SLC22A17: variants seen among roughly 807,000 people sequenced by gnomAD.
The protein encoded by SLC22A17 is 24p3 receptor.
SLC22A17 carries 38 observed loss-of-function variants against 53.6 expected under a neutral mutation model. That is an observed-to-expected ratio of 0.71 (90% CI 0.55 to 0.93). SLC22A17 has a LOEUF of 0.93. SLC22A17 is among the 40% of genes least tolerant of loss of function. The probability of loss-of-function intolerance (pLI) is 0.00; values close to 1 mark genes in which losing one functional copy is unlikely to be tolerated. For missense variants in SLC22A17, 704 were observed against 791.0 expected (o/e 0.89, Z 1.32); for synonymous variants, 379 against 353.0 (o/e 1.07, Z -0.82).
Position 23,348,219 on chromosome 14 carries a change from A to T in SLC22A17, c.1113T>A (p.Ala371=), listed in dbSNP as rs768000962. ...TCTGCCCATGGGGCCGGTTTCGCTC[A>T]GCCAGGATCCTCAGCACAGACTGAG... is the stretch of plus-strand genomic sequence containing the variant. The change falls in exon 6 of 10, where the codon GCT becomes GCA. Residue 371 remains alanine, a synonymous_variant. Coordinates refer to ENST00000397267, the Ensembl canonical transcript of SLC22A17. The surrounding 1 kb of genome is among the most constrained non-coding windows in gnomAD (Gnocchi z 4.5). The T allele has an allele frequency of 1.7e-5, 28 of 1,614,004 alleles. No individual in the cohort carries two copies. The highest frequency in any genetic ancestry group is 6.7e-5 in the Admixed American group (4 of 60,000).
Position 23,347,736 on chromosome 14 carries a change from G to T in SLC22A17, c.1278-5C>A, listed in dbSNP as rs770911298. 1 of 1,613,132 alleles carries T rather than the reference G, an allele frequency of 6.2e-7. No homozygotes were observed. The highest frequency in any genetic ancestry group is 1.1e-5 in the South Asian group (1 of 91,056). ...CGAATGGCATGGGCAATGAAGCTGT[G>T]AGAAGGGGTGGGGAAGCAACGAACA... On this transcript the variant is annotated splice_region_variant and splice_polypyrimidine_tract_variant and intron_variant, in intron 7 of 9. Coordinates refer to ENST00000397267, the Ensembl canonical transcript of SLC22A17. This position sits in a 1 kb window ranked among gnomAD's most constrained non-coding sequence, Gnocchi z 5.1.
chr14:23,348,760 C>T lies in SLC22A17; in HGVS notation c.860-89G>A. The T allele has an allele frequency of 7.3e-7, 1 of 1,377,438 alleles. No homozygotes were observed. Among genetic ancestry groups the T allele is most frequent in the Non-Finnish European group, 9.7e-7 (1 of 1,028,368 alleles). 85.3% of individuals were successfully genotyped at this position (1,377,438 alleles called of 1,614,324 possible). ...AAGAAGAAAGAGGGAGGGAGGAGGACAGAGAGAGAGGTCAGACCCAGAGTG... is the reference window on the plus strand; with the variant it reads ...AAGAAGAAAGAGGGAGGGAGGAGGATAGAGAGAGAGGTCAGACCCAGAGTG... On this transcript the variant is annotated intron_variant, in intron 4 of 9. Transcript: ENST00000397267. The surrounding 1 kb of genome is among the most constrained non-coding windows in gnomAD (Gnocchi z 4.5).
chr14:23,349,287 C>T (rs1889465038), exon 4 of SLC22A17: 1 of 1,613,808 alleles, frequency 6.2e-7, no homozygotes. Context: ...AGGTAGACAC[C>T]CAGGTCAACA....
rs138148610 is a variant in SLC22A17 at position 23,348,398 on chromosome 14, G to A, written c.1026-92C>T. ...GCACCTCTGAGGGACTGGGGCTGGGGTAGGCCTGGACCAGGGGTAGTTGGA... is the reference window on the plus strand; with the variant it reads ...GCACCTCTGAGGGACTGGGGCTGGGATAGGCCTGGACCAGGGGTAGTTGGA... On this transcript the variant is annotated intron_variant, in intron 5 of 9. Coordinates refer to ENST00000397267, the Ensembl canonical transcript of SLC22A17. This position sits in a 1 kb window ranked among gnomAD's most constrained non-coding sequence, Gnocchi z 4.5. 8,353 of 1,584,456 alleles carry A rather than the reference G, an allele frequency of 5.3e-3. 38 individuals are homozygous for A. The highest frequency in any genetic ancestry group is 6.6e-3 in the Non-Finnish European group (7,631 of 1,161,480).
Position 23,348,287 on chromosome 14 carries a change from C to G in SLC22A17, c.1045G>C (p.Glu349Gln). The change falls in exon 6 of 10, where the codon GAG becomes CAG. Residue 349 changes from glutamate (E) to glutamine (Q), a missense_variant. Transcript: ENST00000397267. The surrounding 1 kb of genome is among the most constrained non-coding windows in gnomAD (Gnocchi z 4.5). ...TTCACTATCAGCCACCGTGCGGACT[C>G]CAGGAACAAACCAGGCCAGCTGGGG... 1.2e-6 allele frequency: 2 copies of G among 1,614,126 alleles called. No homozygotes were observed. The highest frequency in any genetic ancestry group is 2.2e-5 in the South Asian group (2 of 91,084).
rs1046071676 is a variant in SLC22A17 at position 23,352,237 on chromosome 14, G to A, written c.311C>T (p.Pro104Leu). 3 of 1,454,324 alleles carry A rather than the reference G, an allele frequency of 2.1e-6. No homozygotes were observed. The highest frequency in any genetic ancestry group is 3.0e-5 in the African/African-American group (2 of 67,392). 90.1% of individuals were successfully genotyped at this position (1,454,324 alleles called of 1,614,324 possible). A position where few individuals can be genotyped will look rare whatever the true frequency, so the allele number is the denominator to read the frequency against. ...CATGCCCAGAGCCACGAAGAGCACC[G>A]GCAGGCAGCAGAGGCCGAGCTGCAG... The change falls in exon 2 of 10, where the codon CCG (proline) becomes CTG (leucine). Residue 104 changes from proline (P) to leucine (L), a missense_variant. Transcript: ENST00000397267. The surrounding 1 kb of genome is among the most constrained non-coding windows in gnomAD (Gnocchi z 7.2).
Position 23,346,781 on chromosome 14 carries a change from TCCGGCAG to T in SLC22A17, c.1810_1816del (p.Leu604ArgfsTer69). Reference sequence around the variant, plus strand: ...CTCGGGCAGGAGCTTGCGCTTGGTCTCCGGCAGCAGCATAATGCTGAGAATGCAGAGG... The same window carrying T: ...CTCGGGCAGGAGCTTGCGCTTGGTCTCAGCATAATGCTGAGAATGCAGAGG... On this transcript the variant is annotated frameshift_variant, in exon 10 of 10. Transcript: ENST00000397267. LOFTEE classifies it high-confidence loss of function. 6.5e-7 allele frequency: 1 copy of T among 1,543,154 alleles called. No individual in the cohort carries two copies. Among genetic ancestry groups the T allele is most frequent in the Non-Finnish European group, 8.7e-7 (1 of 1,150,644 alleles).
Position 23,347,792 on chromosome 14 carries a change from A to T in SLC22A17, c.1278-61T>A. On this transcript the variant is annotated intron_variant, in intron 7 of 9. Coordinates refer to ENST00000397267, the Ensembl canonical transcript of SLC22A17. The surrounding 1 kb of genome is among the most constrained non-coding windows in gnomAD (Gnocchi z 5.1). ...TGAATCCCCTCCCGCAGCCTTCTAC[A>T]GTGCTGATGGTCCTCCGCAGGGGTC... is the stretch of plus-strand genomic sequence containing the variant. The T allele has an allele frequency of 6.2e-7, 1 of 1,610,784 alleles. No homozygotes were observed. Among genetic ancestry groups the T allele is most frequent in the Non-Finnish European group, 8.5e-7 (1 of 1,177,926 alleles).
At chr14:23,346,987 C>T in intron 9 of SLC22A17, 51 bp from the exon 10 acceptor site, 2 of 1,496,358 alleles carry the variant, frequency 1.3e-6, no homozygotes, top group Non-Finnish European at 1.8e-6. Context: ...CCTTGCTGGG[C>T]CCTTCTCCCG....
intron 4 of SLC22A17, 102 bp downstream of exon 4, chr14:23,349,170 A>G (rs776239926): frequency 2.5e-5 from 36 of 1,450,690 alleles, no homozygotes; most frequent in Non-Finnish European, 3.0e-5. Context: ...CTGAGATTCT[A>G]GGCAGCTGAA....
chr14:23,352,388 G>T lies in SLC22A17; in HGVS notation c.160C>A (p.Arg54=), dbSNP rs1595016131. 2 of 653,738 alleles carry T rather than the reference G, an allele frequency of 3.1e-6. No individual in the cohort carries two copies. The highest frequency in any genetic ancestry group is 4.7e-6 in the Non-Finnish European group (2 of 426,890). 40.5% of individuals were successfully genotyped at this position (653,738 alleles called of 1,614,324 possible). A position where few individuals can be genotyped will look rare whatever the true frequency, so the allele number is the denominator to read the frequency against. Residue 54 remains arginine (R), a synonymous_variant, in exon 2 of 10, where the codon CGG becomes AGG. Coordinates refer to ENST00000397267, the Ensembl canonical transcript of SLC22A17. The surrounding 1 kb of genome is among the most constrained non-coding windows in gnomAD (Gnocchi z 7.2). ...CCGCCCGCGTCTCCCTCCCCCTCCC[G>T]CTCGCGCTCCCGCTCACCCTGCAGC...
In SLC22A17 at chr14:23,347,087, A is replaced by G. The variant is rs750465526; in HGVS notation, c.1661+14T>C. On this transcript the variant is annotated intron_variant, in intron 9 of 9. Coordinates refer to ENST00000397267, the Ensembl canonical transcript of SLC22A17. The surrounding 1 kb of genome is among the most constrained non-coding windows in gnomAD (Gnocchi z 5.1). Reference sequence around the variant, plus strand: ...GGGGCCCGGCTCTGCCCCTGGGGGCACCCCTGCTCTCACCGGACAGTGGTG... The same window carrying G: ...GGGGCCCGGCTCTGCCCCTGGGGGCGCCCCTGCTCTCACCGGACAGTGGTG... 1.2e-6 allele frequency: 2 copies of G among 1,605,112 alleles called. No individual in the cohort carries two copies. Among genetic ancestry groups the G allele is most frequent in the Non-Finnish European group, 1.7e-6 (2 of 1,175,752 alleles).
rs1195711100 is a variant in SLC22A17, at chr14:23,347,491, T to C, written c.1518A>G (p.Thr506=). ...TGGGGTTCCCTTGTTGAGCCCACAC[T>C]GTGGGGAAGATAGGATGCTCACAAT... is the stretch of plus-strand genomic sequence containing the variant. Residue 506 remains threonine (T), a synonymous_variant, in exon 8 of 10, where the codon ACA becomes ACG. Transcript: ENST00000397267. This position sits in a 1 kb window ranked among gnomAD's most constrained non-coding sequence, Gnocchi z 5.1. 6.2e-7 allele frequency: 1 copy of C among 1,614,060 alleles called. No individual in the cohort carries two copies. The highest frequency in any genetic ancestry group is 8.5e-7 in the Non-Finnish European group (1 of 1,179,966).
At chr14:23,349,075 C>T (rs148188331) in intron 4 of SLC22A17, 197 bp downstream of exon 4, 2 of 693,024 alleles carry the variant, frequency 2.9e-6, no homozygotes, top group African/African-American at 3.5e-5. Context: ...AGGACAAAGA[C>T]TTTAAAGATT....
chr14:23,352,006 C>T lies in SLC22A17; in HGVS notation c.542G>A (p.Cys181Tyr). Reference sequence around the variant, plus strand: ...GCCATTATAGTCCCAATCCTTGAGGCAATGGTTGAAGTCCGGCGGGGCGAA... The same window carrying T: ...GCCATTATAGTCCCAATCCTTGAGGTAATGGTTGAAGTCCGGCGGGGCGAA... Residue 181 changes from cysteine (C) to tyrosine (Y), a missense_variant, in exon 2 of 10, where the codon TGC (cysteine) becomes TAC (tyrosine). Around this residue, in one of 4 missense-constraint regions of SLC22A17, gnomAD observed 435 missense variants for 529.0 expected, o/e 0.82. Transcript: ENST00000397267. This position sits in a 1 kb window ranked among gnomAD's most constrained non-coding sequence, Gnocchi z 7.2. The T allele has an allele frequency of 1.9e-6, 3 of 1,612,332 alleles. No individual in the cohort carries two copies. The highest frequency in any genetic ancestry group is 2.5e-6 in the Non-Finnish European group (3 of 1,179,170).
chr14:23,348,772 T>G lies in SLC22A17; in HGVS notation c.860-101A>C. 6 of 1,231,668 alleles carry G rather than the reference T, an allele frequency of 4.9e-6. No individual in the cohort carries two copies. The highest frequency in any genetic ancestry group is 6.6e-6 in the Non-Finnish European group (6 of 902,858). The allele number at this position is 1,231,668 out of a possible 1,614,324, so 76.3% of individuals were successfully genotyped here. On this transcript the variant is annotated intron_variant, in intron 4 of 9. Coordinates refer to ENST00000397267, the Ensembl canonical transcript of SLC22A17. This position sits in a 1 kb window ranked among gnomAD's most constrained non-coding sequence, Gnocchi z 4.5. ...GGAGGGAGGAGGACAGAGAGAGAGG[T>G]CAGACCCAGAGTGGAGGCTGCAGCC... is the stretch of plus-strand genomic sequence containing the variant.
Position 23,348,445 on chromosome 14 carries a change from T to G in SLC22A17, c.1025+61A>C. On this transcript the variant is annotated intron_variant, in intron 5 of 9. Transcript: ENST00000397267. The surrounding 1 kb of genome is among the most constrained non-coding windows in gnomAD (Gnocchi z 4.5). The stretch of plus-strand genomic sequence containing the variant: ...TGGAGAAGAGGAGGGGTCTCCGGGC[T>G]AGGGCTAGTTTGGAGGCAGAGATGG... The G allele has an allele frequency of 6.3e-7, 1 of 1,592,530 alleles. No individual in the cohort carries two copies. The highest frequency in any genetic ancestry group is 1.1e-5 in the South Asian group (1 of 87,196).
In SLC22A17 at chr14:23,348,131, G is replaced by T. The variant is rs756331681; in HGVS notation, c.1171+30C>A. The T allele has an allele frequency of 3.1e-6, 5 of 1,613,172 alleles. No homozygotes were observed. Among genetic ancestry groups the T allele is most frequent in the Non-Finnish European group, 4.2e-6 (5 of 1,179,704 alleles). On this transcript the variant is annotated intron_variant, in intron 6 of 9. Transcript: ENST00000397267. The surrounding 1 kb of genome is among the most constrained non-coding windows in gnomAD (Gnocchi z 4.5). Reference sequence around the variant, plus strand: ...GGGCACCATCATGTGTGCAAGTGAGGCAACACTCACAGGGATCCCTGTCTC... The same window carrying T: ...GGGCACCATCATGTGTGCAAGTGAGTCAACACTCACAGGGATCCCTGTCTC...
chr14:23,351,683 C>A (rs574164261), intron 3 of SLC22A17, 69 bp downstream of exon 3: 46 of 1,400,396 alleles, frequency 3.3e-5, no homozygotes, highest in Non-Finnish European at 4.6e-5. Context: ...CTGTAAACGC[C>A]CGCTGCTTGG....
Sources: allele counts gnomAD v4.1 joint callset, GRCh38; gene constraint gnomAD v4.1.1; regional missense constraint gnomAD v4.1.1; non-coding constraint Gnocchi (gnomAD v3.1); transcripts MANE v1.5; gene names NCBI Gene and HGNC (gene_info 2026-07-23, HGNC 2026-07-21).